Variants in UBIAD1 observed in about 807,000 individuals in gnomAD.
UBIAD1 encodes ubiA prenyltransferase domain-containing protein 1.
A neutral mutation model predicts 20.1 loss-of-function variants in UBIAD1; 12 were observed. The ratio of observed to expected loss-of-function variants is 0.60; its 90% CI spans 0.38 to 0.97. The LOEUF is 0.97. Among genes scored for constraint, UBIAD1 ranks in the 50% least tolerant of loss-of-function variants. The pLI is 0.00. For synonymous variants in UBIAD1, 207 were observed against 189.2 expected (o/e 1.09, Z -0.77); for missense variants, 333 against 419.5 (o/e 0.79, Z 1.80).
chr1:11,273,912 G>A lies in UBIAD1; in HGVS notation c.381G>A (p.Glu127=), dbSNP rs1234813096. The A allele has an allele frequency of 6.2e-7, 1 of 1,614,114 alleles. No individual in the cohort carries two copies. Among genetic ancestry groups the A allele is most frequent in the African/African-American group, 1.3e-5 (1 of 74,934 alleles). Residue 127 remains glutamate, a synonymous_variant, in exon 1 of 2, where the codon GAG becomes GAA. Coordinates refer to ENST00000376810, the MANE Select transcript of UBIAD1 (RefSeq NM_013319.3). The surrounding 1 kb of genome is among the most constrained non-coding windows in gnomAD (Gnocchi z 4.9). The part of the protein sequence containing the change: ...DDRTLVDRIL[E]PQDVVRFGVF... ...GGACACTTGTGGACCGAATCTTGGA[G>A]CCGCAGGATGTCGTCCGGTTCGGAG...
downstream of UBIAD1, among the ~76,000 whole-genome samples, chr1:11,292,404 GA>G (rs963754028): frequency 6.6e-6 from 1 of 152,124 alleles, no homozygotes; most frequent in African/African-American, 2.4e-5. Flanking sequence ...GCATTCAAGC[GA>G]AAAGATGATT....
In UBIAD1 at chr1:11,273,258, G is replaced by A. The variant is rs535992634; in HGVS notation, c.-274G>A. ...ATGGCGGCTCTGGCGGCCTAAAGAA[G>A]GCGGCCGCGGCTCAGCCGTGGGCTC... On this transcript the variant is annotated 5_prime_UTR_variant, in exon 1 of 2. Transcript: ENST00000376810. This position sits in a 1 kb window ranked among gnomAD's most constrained non-coding sequence, Gnocchi z 4.9. The A allele has an allele frequency of 7.5e-5, 36 of 483,038 alleles. No homozygotes were observed. In the South Asian group the frequency reaches 8.3e-4, roughly 11 times the overall value. The allele number at this position is 483,038 out of a possible 1,614,324, so 29.9% of individuals were successfully genotyped here.
At chr1:11,290,692 C>T (rs910560451), downstream of UBIAD1, among the ~76,000 whole-genome samples, 2 of 152,134 alleles carry the variant, frequency 1.3e-5, no homozygotes, top group Admixed American at 6.5e-5. Context: ...GTATTAAAAC[C>T]ACCAGGCCAG....
chr1:11,282,003 C>G (rs1652257020), intron 1 of UBIAD1, among the ~76,000 whole-genome samples: 1 of 152,194 alleles, frequency 6.6e-6, no homozygotes, highest in African/African-American at 2.4e-5. Flanking sequence ...TTCTCCTTTT[C>G]AGGGACATTT....
chr1:11,280,554 A>T (rs1652208129), intron 1 of UBIAD1, among the ~76,000 whole-genome samples: 1 of 152,168 alleles, frequency 6.6e-6, no homozygotes, highest in African/African-American at 2.4e-5. Context: ...CCAAATTCTG[A>T]TCTTCTCCCC....
chr1:11,295,271 C>T (rs906358489), downstream of UBIAD1: 28 of 262,350 alleles, frequency 1.1e-4, no homozygotes, highest in Non-Finnish European at 3.0e-5. Context: ...GGTGACTGTT[C>T]CATGGAAACC....
At chr1:11,289,322 G>C (rs1638323759), downstream of UBIAD1, among the ~76,000 whole-genome samples, 1 of 152,134 alleles carries the variant, frequency 6.6e-6, no homozygotes, top group Admixed American at 6.6e-5. Context: ...CAAAATGAAA[G>C]GTTTCATGAA....
intron 1 of UBIAD1, among the ~76,000 whole-genome samples, chr1:11,276,290 TA>T (rs143509599): frequency 0.098 from 14,942 of 151,874 alleles, 1,168 homozygotes; most frequent in African/African-American, 0.21. Flanking sequence ...GGATGTGAGG[TA>T]AAGAGAAACA....
At chr1:11,296,822 C>T (rs552647639), downstream of UBIAD1, among the ~76,000 whole-genome samples, 1 of 152,188 alleles carries the variant, frequency 6.6e-6, no homozygotes, top group South Asian at 2.1e-4. Context: ...TTCCAGCCCC[C>T]TTTCCTTTCT....
Position 11,273,679 on chromosome 1 carries a change from G to C in UBIAD1, c.148G>C (p.Val50Leu). Residue 50 changes from valine to leucine, a missense_variant, in exon 1 of 2, where the codon GTG (valine) becomes CTG (leucine). Val to Leu is a conservative substitution (Grantham distance 32, BLOSUM62 1). Coordinates refer to ENST00000376810, the MANE Select transcript of UBIAD1 (RefSeq NM_013319.3). The surrounding 1 kb of genome is among the most constrained non-coding windows in gnomAD (Gnocchi z 4.9). ...CTGGAGGCAGAAGTGTGCCTCCTAC[G>C]TGTTGGCCCTGAGGCCCTGGAGCTT... ...RSWRQKCASY[V>L]LALRPWSFSA... 6.2e-7 allele frequency: 1 copy of C among 1,614,170 alleles called. No individual in the cohort carries two copies. The highest frequency in any genetic ancestry group is 8.5e-7 in the Non-Finnish European group (1 of 1,180,032).
chr1:11,278,558 A>C (rs1652136224), intron 1 of UBIAD1: 1 of 1,097,424 alleles, frequency 9.1e-7, no homozygotes, highest in Admixed American at 3.3e-5. Flanking sequence ...TAATCAAGAC[A>C]TTAACACGAG....
intron 1 of UBIAD1, 37 bp downstream of exon 1, chr1:11,274,097 G>C (rs551545830): frequency 6.2e-6 from 10 of 1,613,080 alleles, no homozygotes; most frequent in Non-Finnish European, 8.5e-6. Flanking sequence ...GCAGGTCTTA[G>C]TCGCGTCCAC....
At chr1:11,296,953 C>A (rs1303456129), downstream of UBIAD1, among the ~76,000 whole-genome samples, 1 of 152,168 alleles carries the variant, frequency 6.6e-6, no homozygotes, top group Non-Finnish European at 1.5e-5. Context: ...CTGGTACATT[C>A]ATTCATTCAT....
downstream of UBIAD1, among the ~76,000 whole-genome samples, chr1:11,297,331 C>A (rs1638464874): frequency 6.6e-6 from 1 of 152,200 alleles, no homozygotes; most frequent in Non-Finnish European, 1.5e-5. Flanking sequence ...GAGGACACAG[C>A]TGGAAGGCAC....
intron 1 of UBIAD1, among the ~76,000 whole-genome samples, chr1:11,281,608 T>C (rs1370482583): frequency 6.6e-6 from 1 of 152,220 alleles, no homozygotes; most frequent in Non-Finnish European, 1.5e-5. Context: ...TTTTTAGTGT[T>C]GCAGCTTGAT....
intron 1 of UBIAD1, among the ~76,000 whole-genome samples, chr1:11,276,039 G>A (rs966932168): frequency 6.6e-6 from 1 of 152,180 alleles, no homozygotes; most frequent in Non-Finnish European, 1.5e-5. Context: ...AGGAGCCACT[G>A]CAGGACTTTG....
chr1:11,279,788 C>G (rs769852682), intron 1 of UBIAD1, among the ~76,000 whole-genome samples: 3 of 152,158 alleles, frequency 2.0e-5, no homozygotes, highest in Admixed American at 6.5e-5. Context: ...TTCAGAGAAG[C>G]CTGGGCTAGA....
Position 11,285,544 on chromosome 1 carries a change from T to TA in UBIAD1, c.530-99dup. 1 of 1,578,316 alleles carries TA rather than the reference T, an allele frequency of 6.3e-7. No homozygotes were observed. The highest frequency in any genetic ancestry group is 2.2e-5 in the East Asian group (1 of 44,666). On this transcript the variant is annotated intron_variant, in intron 1 of 1. Transcript: ENST00000376810. This position sits in a 1 kb window ranked among gnomAD's most constrained non-coding sequence, Gnocchi z 4.4. ...TGCCCACCTGCACAGTCTAAGGATTTACCATTTTCAGCCGGAAGTGGCCTG... is the reference window on the plus strand; with the variant it reads ...TGCCCACCTGCACAGTCTAAGGATTTAACCATTTTCAGCCGGAAGTGGCCTG...
intron 1 of UBIAD1, among the ~76,000 whole-genome samples, chr1:11,275,565 C>T (rs1038648229): frequency 6.6e-6 from 1 of 151,942 alleles, no homozygotes; most frequent in Non-Finnish European, 1.5e-5. Flanking sequence ...ACATAGACCC[C>T]TGTCTGTATA....
Sources: allele counts gnomAD v4.1 joint callset (sites outside exome capture counted in the v4.1 genomes callset), GRCh38; gene constraint gnomAD v4.1.1; non-coding constraint Gnocchi (gnomAD v3.1); transcripts MANE v1.5; gene names NCBI Gene and HGNC (gene_info 2026-07-23, HGNC 2026-07-21).